ABCC2: variants seen among roughly 807,000 people sequenced by gnomAD.
The protein encoded by ABCC2 is ATP-binding cassette sub-family C member 2.
Under a neutral mutation model 173.4 loss-of-function variants are expected in ABCC2, and 157 were observed. The observed-to-expected ratio is 0.91, with a 90% CI of 0.80 to 1.03. ABCC2 has a LOEUF of 1.03. Ranked by LOEUF, ABCC2 falls within the 50% of genes least tolerant of loss-of-function variation. The probability of loss-of-function intolerance (pLI) is 0.00; values close to 1 mark genes in which losing one functional copy is unlikely to be tolerated. For synonymous variants in ABCC2, 657 were observed against 693.5 expected (o/e 0.95, Z 0.83); for missense variants, 1,822 against 1,852.3 (o/e 0.98, Z 0.30).
intron 24 of ABCC2, 147 bp downstream of exon 24, chr10:99,834,682 C>A (rs946070105): frequency 2.0e-6 from 2 of 1,011,688 alleles, no homozygotes; most frequent in Non-Finnish European, 3.1e-6. Context: ...GTTGACATAC[C>A]CAGGAGCCCA....
chr10:99,784,845 G>A, intron 2 of ABCC2, 64 bp downstream of exon 2: 1 of 1,582,172 alleles, frequency 6.3e-7, no homozygotes, highest in Non-Finnish European at 8.7e-7. Context: ...CATTTTCTTG[G>A]TGGTTAGTGT....
chr10:99,832,236 CTTTT>C, intron 23 of ABCC2, 105 bp downstream of exon 23: 1 of 1,414,678 alleles, frequency 7.1e-7, no homozygotes, highest in Admixed American at 1.9e-5. Context: ...AGTTCCAGTT[CTTTT>C]GTCACTCAAC....
chr10:99,834,629 GTCAC>G, intron 24 of ABCC2, 94 bp downstream of exon 24: 1 of 1,431,494 alleles, frequency 7.0e-7, no homozygotes, highest in East Asian at 2.3e-5. Flanking sequence ...TTCATTGCTA[GTCAC>G]TCACTCCTCC....
At chr10:99,802,485 T>C (rs1468174587) in intron 9 of ABCC2, among the ~76,000 whole-genome samples, 1 of 99,762 alleles carries the variant, frequency 1.0e-5, no homozygotes, top group East Asian at 3.2e-4. Context: ...GGCAATTAGA[T>C]GTTGTTAGTT....
chr10:99,842,450 A>G (rs1310712406), intron 26 of ABCC2, among the ~76,000 whole-genome samples: 1 of 152,212 alleles, frequency 6.6e-6, no homozygotes, highest in African/African-American at 2.4e-5. Flanking sequence ...TTTTGAACAA[A>G]TAATTCCTCC....
intron 7 of ABCC2, among the ~76,000 whole-genome samples, chr10:99,798,396 G>A (rs1250594556): frequency 6.6e-6 from 1 of 152,182 alleles, no homozygotes; most frequent in African/African-American, 2.4e-5. Flanking sequence ...GCTGGTGACT[G>A]AGTCGTAATG....
chr10:99,812,976 C>A, intron 15 of ABCC2, 42 bp from the exon 16 acceptor site: 4 of 1,611,736 alleles, frequency 2.5e-6, no homozygotes, highest in South Asian at 1.1e-5. Context: ...TCTTCAATAC[C>A]CAACCCCTGC....
chr10:99,805,073 C>T (rs758328559), intron 10 of ABCC2, among the ~76,000 whole-genome samples: 6 of 152,110 alleles, frequency 3.9e-5, no homozygotes, highest in Non-Finnish European at 2.9e-5. Flanking sequence ...CTGAATGATA[C>T]AAGCCTGACT....
rs763522954 is a variant in ABCC2, at chr10:99,782,738, G to C, written c.-107G>C. On this transcript the variant is annotated 5_prime_UTR_variant, in exon 1 of 32. Transcript: ENST00000647814. ...AGGTCATCCTTTACGGAGAACATCA[G>C]AATGGTAGATAATTCCTGTTCCACT... The C allele has an allele frequency of 7.7e-7, 1 of 1,297,506 alleles. No individual in the cohort carries two copies. Among genetic ancestry groups the C allele is most frequent in the Non-Finnish European group, 1.1e-6 (1 of 897,966 alleles). The allele number at this position is 1,297,506 out of a possible 1,614,324, so 80.4% of individuals were successfully genotyped here.
intron 25 of ABCC2, among the ~76,000 whole-genome samples, chr10:99,840,741 T>G (rs2038929217): frequency 6.6e-6 from 1 of 152,180 alleles, no homozygotes. Context: ...CATCTCAATC[T>G]CTTGACCTCA....
In ABCC2 at chr10:99,797,292, G is replaced by T; in HGVS notation, c.828G>T (p.Leu276Phe). ...ACTCTGGAGCCAGGCTGCCTGGCTT[G>T]AACAAGAATCAGAGTCAAAGCCAAG... is the stretch of plus-strand genomic sequence containing the variant. Reference protein sequence around the residue: ...QQNSGARLPGLNKNQSQSQDA... With the variant: ...QQNSGARLPGFNKNQSQSQDA... The change falls in exon 7 of 32, where the codon TTG (leucine) becomes TTT (phenylalanine). Residue 276 changes from leucine to phenylalanine, a missense_variant. Physicochemically the swap from Leu to Phe is conservative, Grantham distance 22. Coordinates refer to ENST00000647814, the MANE Select transcript of ABCC2 (RefSeq NM_000392.5). 1 of 1,613,734 alleles carries T rather than the reference G, an allele frequency of 6.2e-7. No individual in the cohort carries two copies. The highest frequency in any genetic ancestry group is 1.1e-5 in the South Asian group (1 of 90,970).
At chr10:99,830,169 T>C (rs2038712940) in intron 19 of ABCC2, 138 bp from the exon 20 acceptor site, 11 of 934,938 alleles carry the variant, frequency 1.2e-5, no homozygotes, top group South Asian at 4.1e-5. Context: ...ATTTATGGAG[T>C]AAAGTATTCC....
At chr10:99,791,349 C>A (rs2804401) in intron 2 of ABCC2, among the ~76,000 whole-genome samples, 151,415 of 152,342 alleles carry the variant, frequency 0.99, 75,255 homozygotes, top group Middle Eastern at 1. Flanking sequence ...TGGAGGTTGC[C>A]GTGAGCCGAG....
chr10:99,834,841 T>C (rs1026856940), intron 24 of ABCC2, among the ~76,000 whole-genome samples: 11 of 152,218 alleles, frequency 7.2e-5, no homozygotes, highest in Admixed American at 2.0e-4. Context: ...AGATTGGCTC[T>C]GGACACAGTC....
In ABCC2 at chr10:99,842,037, T is replaced by G. The variant is rs1564700056; in HGVS notation, c.3685T>G (p.Tyr1229Asp). 1 of 1,614,212 alleles carries G rather than the reference T, an allele frequency of 6.2e-7. No homozygotes were observed. The highest frequency in any genetic ancestry group is 8.5e-7 in the Non-Finnish European group (1 of 1,180,032). ...CTTTTCAGCCTTGATGATGGTTATT[T>G]ATAGAGATACCCTAAGTGGGGACAC... ...VFFSALMMVI[Y>D]RDTLSGDTVG... The change falls in exon 26 of 32, where the codon TAT (tyrosine) becomes GAT (aspartate). Residue 1229 changes from tyrosine to aspartate, a missense_variant. Tyr to Asp is a radical substitution (Grantham distance 160, BLOSUM62 -3). Coordinates refer to ENST00000647814, the MANE Select transcript of ABCC2 (RefSeq NM_000392.5).
At chr10:99,802,575 C>T (rs2038031575) in intron 9 of ABCC2, among the ~76,000 whole-genome samples, 1 of 151,734 alleles carries the variant, frequency 6.6e-6, no homozygotes, top group South Asian at 2.1e-4. Flanking sequence ...CCTTGGTGGT[C>T]TAACATTTTA....
intron 2 of ABCC2, among the ~76,000 whole-genome samples, chr10:99,785,178 T>A (rs2037684414): frequency 6.6e-6 from 1 of 152,230 alleles, no homozygotes; most frequent in African/African-American, 2.4e-5. Flanking sequence ...CCTGCCCCAC[T>A]GAGGCAATCC....
chr10:99,796,389 A>T (rs1213042639), intron 6 of ABCC2, among the ~76,000 whole-genome samples: 1 of 152,162 alleles, frequency 6.6e-6, no homozygotes, highest in Non-Finnish European at 1.5e-5. Context: ...CTGTAATTCC[A>T]GCTACTTGGG....
chr10:99,818,677 T>G lies in ABCC2; in HGVS notation c.2272-113T>G, dbSNP rs2038467145. 3 of 1,086,750 alleles carry G rather than the reference T, an allele frequency of 2.8e-6. No homozygotes were observed. The African/African-American group carries it at 4.8e-5, about 17-fold the overall frequency. 67.3% of individuals were successfully genotyped at this position (1,086,750 alleles called of 1,614,324 possible). Reference sequence around the variant, plus strand: ...TTGTATAAAGGAACTTGTAAGATTTTTAACCCCTTGACACCTTATTGAGAC... The same window carrying G: ...TTGTATAAAGGAACTTGTAAGATTTGTAACCCCTTGACACCTTATTGAGAC... On this transcript the variant is annotated intron_variant, in intron 17 of 31. Coordinates refer to ENST00000647814, the MANE Select transcript of ABCC2 (RefSeq NM_000392.5).
Sources: allele counts gnomAD v4.1 joint callset (sites outside exome capture counted in the v4.1 genomes callset), GRCh38; gene constraint gnomAD v4.1.1; transcripts MANE v1.5; gene names NCBI Gene and HGNC (gene_info 2026-07-23, HGNC 2026-07-21).